The following SEM1 variants were observed in gnomAD, a reference collection of about 807,000 sequenced individuals.
SEM1 encodes SEM1 26S proteasome subunit.
In SEM1, 3 loss-of-function variants were observed where a neutral mutation model predicts 12.7. The observed-to-expected ratio is 0.24, with a 90% CI of 0.11 to 0.61. The LOEUF is 0.61. Among genes scored for constraint, SEM1 ranks in the 20% least tolerant of loss-of-function variants. SEM1 has a pLI of 0.88. For synonymous variants in SEM1, 30 were observed against 27.8 expected, an observed-to-expected ratio of 1.08 and a Z score of -0.25; for missense variants, 59 against 81.3, an observed-to-expected ratio of 0.73 and a Z score of 1.06.
intron 2 of SEM1, among the ~76,000 whole-genome samples, chr7:96,680,940 T>C (rs1789592540): frequency 6.6e-6 from 1 of 152,080 alleles, no homozygotes. Flanking sequence ...GAGCAATTTT[T>C]AGGAGGTCGT....
chr7:96,540,115 A>G (rs1804901257), intron 2 of SEM1, among the ~76,000 whole-genome samples: 1 of 151,528 alleles, frequency 6.6e-6, no homozygotes, highest in African/African-American at 2.4e-5. Context: ...TGATAATACA[A>G]ACAGTAGCAC....
intron 2 of SEM1, chr7:96,673,918 GCTGCTTGA>G (rs1563107205): frequency 1.3e-6 from 1 of 747,984 alleles, no homozygotes; most frequent in East Asian, 2.5e-5. Context: ...TGATCTGTGG[GCTGCTTGA>G]CCACAGCATA....
At chr7:96,542,581 T>G (rs537970883) in intron 2 of SEM1, among the ~76,000 whole-genome samples, 1 of 151,030 alleles carries the variant, frequency 6.6e-6, no homozygotes, top group East Asian at 1.9e-4. Context: ...ATAGAAAACA[T>G]GCAAATGGAA....
chr7:96,559,604 T>A (rs1340868293), intron 2 of SEM1, among the ~76,000 whole-genome samples: 1 of 152,228 alleles, frequency 6.6e-6, no homozygotes, highest in East Asian at 1.9e-4. Context: ...GTTTTGTTTT[T>A]CTCTCTAAAT....
At chr7:96,521,984 T>C (rs373159727) in intron 2 of SEM1, among the ~76,000 whole-genome samples, 2 of 152,062 alleles carry the variant, frequency 1.3e-5, no homozygotes, top group Non-Finnish European at 2.9e-5. Context: ...GAAATTGAAC[T>C]GTAAGGAGTA....
At chr7:96,637,621 G>A (rs969891222) in intron 2 of SEM1, among the ~76,000 whole-genome samples, 1 of 151,930 alleles carries the variant, frequency 6.6e-6, no homozygotes, top group Non-Finnish European at 1.5e-5. Context: ...AGCATAATGA[G>A]GGGCCCAGTT....
At chr7:96,657,619 T>C (rs181086213) in intron 2 of SEM1, among the ~76,000 whole-genome samples, 233 of 152,308 alleles carry the variant, frequency 1.5e-3, no homozygotes, top group Admixed American at 3.2e-3. Context: ...GTTTTCTCGG[T>C]TGGAAAACCT....
chr7:96,614,475 A>G (rs1346330400), intron 2 of SEM1, among the ~76,000 whole-genome samples: 1 of 152,220 alleles, frequency 6.6e-6, no homozygotes, highest in Non-Finnish European at 1.5e-5. Flanking sequence ...CGATCCATGC[A>G]CTCAGGCAGC....
intron 2 of SEM1, among the ~76,000 whole-genome samples, chr7:96,683,453 A>C (rs899011287): frequency 3.9e-5 from 6 of 152,170 alleles, no homozygotes; most frequent in African/African-American, 1.4e-4. Context: ...AAATTAGTTC[A>C]ACCATTGTGG....
At chr7:96,622,155 T>C (rs1415211896), downstream of SEM1, 1 of 155,282 alleles carries the variant, frequency 6.4e-6, no homozygotes, top group Non-Finnish European at 1.4e-5. Context: ...TGATGTTTCC[T>C]TATCTTTATG....
intron 2 of SEM1, among the ~76,000 whole-genome samples, chr7:96,609,040 A>G (rs1807466865): frequency 1.3e-5 from 2 of 152,170 alleles, no homozygotes; most frequent in African/African-American, 2.4e-5. Context: ...AAGTGACTGC[A>G]CCATTTGTCA....
intron 2 of SEM1, among the ~76,000 whole-genome samples, chr7:96,508,667 A>G (rs1236267568): frequency 1.3e-5 from 2 of 152,124 alleles, no homozygotes; most frequent in African/African-American, 4.8e-5. Flanking sequence ...TGTCAATAGG[A>G]CTGCATCCCA....
At chr7:96,688,055 T>C (rs948828168), downstream of SEM1, 20 of 152,180 alleles carry the variant, frequency 1.3e-4, no homozygotes, top group African/African-American at 4.3e-4. Context: ...ACACTACAGA[T>C]TGATTGTAGT....
At chr7:96,494,072 G>A (rs767628244) in intron 1 of SEM1, among the ~76,000 whole-genome samples, 5 of 152,150 alleles carry the variant, frequency 3.3e-5, no homozygotes, top group Non-Finnish European at 7.4e-5. Context: ...GGTGGAGACA[G>A]AGTTATCAGA....
intron 2 of SEM1, among the ~76,000 whole-genome samples, chr7:96,514,592 C>T (rs907092676): frequency 7.9e-5 from 12 of 152,052 alleles, no homozygotes; most frequent in African/African-American, 2.2e-4. Flanking sequence ...ATATACAAGT[C>T]AGTCACTTTC....
intron 2 of SEM1, among the ~76,000 whole-genome samples, chr7:96,518,180 T>C (rs2115605119): frequency 1.3e-5 from 2 of 152,224 alleles, no homozygotes; most frequent in Non-Finnish European, 2.9e-5. Context: ...GGCAATGGCA[T>C]TGGATGCATG....
At chr7:96,504,371 C>T (rs947596479) in intron 3 of SEM1, among the ~76,000 whole-genome samples, 8 of 152,068 alleles carry the variant, frequency 5.3e-5, no homozygotes, top group Admixed American at 1.3e-4. Context: ...CTTTATTTTT[C>T]CCCAGTTAGG....
chr7:96,672,655 T>G (rs1386050310), downstream of SEM1: 1 of 152,198 alleles, frequency 6.6e-6, no homozygotes, highest in Non-Finnish European at 1.5e-5. Flanking sequence ...CCATCCCAAA[T>G]CTGATTCTTA....
At chr7:96,634,746 G>A (rs1465215095) in intron 2 of SEM1, among the ~76,000 whole-genome samples, 1 of 151,974 alleles carries the variant, frequency 6.6e-6, no homozygotes, top group African/African-American at 2.4e-5. Context: ...TTCAAAGAAA[G>A]TATCAGGCTT....
Sources: allele counts gnomAD v4.1 joint callset (sites outside exome capture counted in the v4.1 genomes callset), GRCh38; gene constraint gnomAD v4.1.1; transcripts MANE v1.5; gene names NCBI Gene and HGNC (gene_info 2026-07-23, HGNC 2026-07-21).